KCNMB2: variants seen among roughly 807,000 people sequenced by gnomAD.
KCNMB2 encodes the protein calcium-activated potassium channel subunit beta-2.
In KCNMB2, 9 loss-of-function variants were observed where a neutral mutation model predicts 24.5. The ratio of observed to expected loss-of-function variants is 0.37; its 90% confidence interval spans 0.22 to 0.64. The LOEUF (loss-of-function observed/expected upper bound fraction) is 0.64, where lower values mean the gene tolerates loss of function less well. Ranked by LOEUF, KCNMB2 falls within the 30% of genes least tolerant of loss-of-function variation. The pLI, the probability that KCNMB2 is intolerant of heterozygous loss-of-function variation, is 0.63. For synonymous variants in KCNMB2, 109 were observed against 104.4 expected, an observed-to-expected ratio of 1.04 and a Z score of -0.27; for missense variants, 226 against 284.3, an observed-to-expected ratio of 0.79 and a Z score of 1.47.
chr3:178,691,416 C>T (rs1721672179), intron 1 of KCNMB2, among the ~76,000 whole-genome samples: 1 of 151,874 alleles, frequency 6.6e-6, no homozygotes, highest in Admixed American at 6.6e-5. Context: ...CACCCTCCAA[C>T]CTCTAATAGG....
rs975154151 is a variant in KCNMB2 at position 178,536,619 on chromosome 3, G to A, written c.-160G>A. The A allele has an allele frequency of 4.6e-5, 7 of 152,240 alleles. No individual in the cohort carries two copies. Among genetic ancestry groups the A allele is most frequent in the Non-Finnish European group, 8.8e-5 (6 of 68,044 alleles). 9.4% of individuals were successfully genotyped at this position (152,240 alleles called of 1,614,324 possible). ...AAAGGCTTTAGGCACAAGAGGTAAT[G>A]ATGATTACCGGTGGCTATTTGGAGG... is the stretch of plus-strand genomic sequence containing the variant. On this transcript the variant is annotated 5_prime_UTR_variant, in exon 1 of 5. It removes an upstream start codon present in the reference 5' UTR. Coordinates refer to ENST00000452583, the MANE Select transcript of KCNMB2 (RefSeq NM_181361.3).
At chr3:178,741,863 G>C (rs1577141362) in intron 1 of KCNMB2, among the ~76,000 whole-genome samples, 1 of 152,160 alleles carries the variant, frequency 6.6e-6, no homozygotes, top group African/African-American at 2.4e-5. Context: ...TCTACCCAAG[G>C]CTCATAGGAT....
intron 1 of KCNMB2, among the ~76,000 whole-genome samples, chr3:178,554,546 C>G (rs1327926396): frequency 6.6e-6 from 1 of 152,154 alleles, no homozygotes; most frequent in Non-Finnish European, 1.5e-5. Context: ...TCCTTTCTTT[C>G]TTTCTGATGT....
chr3:178,717,211 T>C (rs1313974151), intron 1 of KCNMB2, among the ~76,000 whole-genome samples: 1 of 152,166 alleles, frequency 6.6e-6, no homozygotes, highest in Non-Finnish European at 1.5e-5. Flanking sequence ...TAGTTTGGCC[T>C]GGGCTTTTAA....
rs560248153 is a variant in KCNMB2 at position 178,699,019 on chromosome 3, G to C, written c.-67-108324G>C. ...GCCAAGGTGCAGCAGCTGCAGCAGA[G>C]TGCTAGCAGACGCAGGGCTGCCTGC... On this transcript the variant is annotated intron_variant, in intron 1 of 4. Transcript: ENST00000452583. Among the ~76,000 whole-genome samples the C allele has an allele frequency of 7.2e-5, 11 of 152,366 alleles. No individual in the cohort carries two copies. In the East Asian group the frequency reaches 1.5e-3, roughly 21 times the overall value.
intron 1 of KCNMB2, among the ~76,000 whole-genome samples, chr3:178,788,081 T>C (rs1394154708): frequency 6.6e-6 from 1 of 152,162 alleles, no homozygotes; most frequent in Admixed American, 6.6e-5. Flanking sequence ...CTTATTACAG[T>C]TTGAATCCCT....
rs549887060 is a variant in KCNMB2 at position 178,646,550 on chromosome 3, C to A, written c.-68+109839C>A. 2.0e-4 allele frequency among the ~76,000 whole-genome samples: 31 copies of A among 152,252 alleles called. 1 individual carries two copies. Among genetic ancestry groups the A allele is most frequent in the African/African-American group, 7.5e-4 (31 of 41,564 alleles). ...GGGCCAGAGATGTTGATGTTGTAGT[C>A]CAGGGAAAGCATGACACTCACTGTA... On this transcript the variant is annotated intron_variant, in intron 1 of 4. Transcript: ENST00000452583.
intron 3 of KCNMB2, among the ~76,000 whole-genome samples, chr3:178,827,134 T>C (rs551938811): frequency 1.4e-4 from 22 of 152,262 alleles, no homozygotes; most frequent in African/African-American, 5.3e-4. Context: ...AGAAAACATG[T>C]TTTCCCATTG....
In KCNMB2 at chr3:178,624,278, T is replaced by A. The variant is rs1490012043; in HGVS notation, c.-68+87567T>A. ...TTTTTTTTTTTGCCTTTTTCTGGAT[T>A]GATACCCAACCCATGAACAGCTCAA... On this transcript the variant is annotated intron_variant, in intron 1 of 4. Transcript: ENST00000452583. 4.0e-5 allele frequency among the ~76,000 whole-genome samples: 6 copies of A among 151,680 alleles called. No individual in the cohort carries two copies. In the South Asian group the frequency reaches 1.2e-3, roughly 32 times the overall value.
intron 4 of KCNMB2, among the ~76,000 whole-genome samples, chr3:178,839,512 T>G (rs988748543): frequency 5.3e-5 from 8 of 152,134 alleles, no homozygotes; most frequent in Non-Finnish European, 2.9e-5. Flanking sequence ...TAATCTGTTT[T>G]CACACTGCTA....
intron 1 of KCNMB2, among the ~76,000 whole-genome samples, chr3:178,610,299 C>T (rs1399700609): frequency 1.3e-5 from 2 of 152,090 alleles, no homozygotes; most frequent in Middle Eastern, 3.4e-3. Context: ...TTTCTAATTT[C>T]TGTGAAAAAT....
chr3:178,760,990 C>T (rs768560561), intron 1 of KCNMB2, among the ~76,000 whole-genome samples: 11 of 152,006 alleles, frequency 7.2e-5, no homozygotes, highest in Non-Finnish European at 1.2e-4. Flanking sequence ...TCTAGGGCCT[C>T]GGCATTAAGA....
intron 1 of KCNMB2, among the ~76,000 whole-genome samples, chr3:178,567,670 G>A (rs974389402): frequency 3.3e-5 from 5 of 151,932 alleles, no homozygotes; most frequent in Non-Finnish European, 7.4e-5. Context: ...AGCAGCATGC[G>A]CCAGGACATT....
intron 1 of KCNMB2, among the ~76,000 whole-genome samples, chr3:178,733,517 G>A (rs374368112): frequency 5.3e-5 from 8 of 152,110 alleles, no homozygotes; most frequent in East Asian, 1.9e-4. Context: ...GTCTCGCTCC[G>A]TCGCCCAGGC....
intron 1 of KCNMB2, among the ~76,000 whole-genome samples, chr3:178,707,526 A>C (rs1722317340): frequency 6.6e-6 from 1 of 152,154 alleles, no homozygotes; most frequent in African/African-American, 2.4e-5. Flanking sequence ...ATCAGGATCA[A>C]GTGGTGATTA....
chr3:178,633,868 T>C (rs1197852397), intron 1 of KCNMB2, among the ~76,000 whole-genome samples: 2 of 152,258 alleles, frequency 1.3e-5, no homozygotes, highest in African/African-American at 4.8e-5. Context: ...CTTTGCTGCT[T>C]AGAAATTTCT....
At chr3:178,615,120 C>A (rs1560132155) in intron 1 of KCNMB2, among the ~76,000 whole-genome samples, 1 of 152,224 alleles carries the variant, frequency 6.6e-6, no homozygotes, top group Non-Finnish European at 1.5e-5. Flanking sequence ...CCAAAGCAAA[C>A]AGAGTCTCTT....
At position 178,710,159 on chromosome 3, in the gene KCNMB2, A is replaced by G. The variant is rs143529376; in HGVS notation, c.-67-97184A>G. On this transcript the variant is annotated intron_variant, in intron 1 of 4. Coordinates refer to ENST00000452583, the MANE Select transcript of KCNMB2 (RefSeq NM_181361.3). ...TTAACTATATTAATTTAGTTAATAT[A>G]AAGTTTTATTTTTTCCCTACCACTG... Among the ~76,000 whole-genome samples, 78 of 152,178 alleles carry G rather than the reference A, an allele frequency of 5.1e-4. 1 individual carries two copies. The East Asian group carries it at 0.011, about 21-fold the overall frequency.
chr3:178,825,935 T>C (rs971867814), intron 3 of KCNMB2, among the ~76,000 whole-genome samples, 177 bp downstream of exon 3: 2 of 152,218 alleles, frequency 1.3e-5, no homozygotes, highest in African/African-American at 4.8e-5. Context: ...CATATAGCTC[T>C]ATGTATAATC....
Sources: allele counts gnomAD v4.1 joint callset (sites outside exome capture counted in the v4.1 genomes callset), GRCh38; gene constraint gnomAD v4.1.1; transcripts MANE v1.5; gene names NCBI Gene and HGNC (gene_info 2026-07-23, HGNC 2026-07-21).